Variants in CRY2 observed in about 807,000 individuals in gnomAD.
CRY2 encodes cryptochrome-2.
CRY2 carries 31 observed loss-of-function variants against 69.5 expected under a neutral mutation model. That is an observed-to-expected ratio of 0.45 (90% CI 0.34 to 0.60). The LOEUF (loss-of-function observed/expected upper bound fraction) is 0.60. Ranked by LOEUF, CRY2 falls within the 20% of genes least tolerant of loss-of-function variation. The pLI, the probability that CRY2 is intolerant of heterozygous loss-of-function variation, is 0.02. For synonymous variants in CRY2, 303 were observed against 312.2 expected (o/e 0.97, Z 0.31); for missense variants, 606 against 797.8 (o/e 0.76, Z 2.90).
chr11:45,876,262 T>C (rs907368743), intron 11 of CRY2, among the ~76,000 whole-genome samples: 19 of 152,346 alleles, frequency 1.2e-4, no homozygotes, highest in Non-Finnish European at 2.5e-4. Flanking sequence ...GTTTTTCTAA[T>C]GCCTCAGGCC....
chr11:45,860,034 C>T (rs1382981039), intron 3 of CRY2, among the ~76,000 whole-genome samples: 1 of 152,192 alleles, frequency 6.6e-6, no homozygotes, highest in Non-Finnish European at 1.5e-5. Flanking sequence ...CTCACCCAGC[C>T]AGATGGGCCT....
In CRY2 at chr11:45,867,598, T is replaced by G; in HGVS notation, c.742-14T>G. On this transcript the variant is annotated splice_polypyrimidine_tract_variant and intron_variant, in intron 5 of 11. Coordinates refer to ENST00000616080, the MANE Select transcript of CRY2 (RefSeq NM_021117.5). ...CCAAGCCTTTCCTTTTGCCACCTTC[T>G]CTTTCTGCTGTAGGCCTGGGTTGCC... 6.2e-7 allele frequency: 1 copy of G among 1,614,062 alleles called. No individual in the cohort carries two copies. The highest frequency in any genetic ancestry group is 8.5e-7 in the Non-Finnish European group (1 of 1,179,920).
intron 3 of CRY2, 74 bp downstream of exon 3, chr11:45,858,947 C>T: frequency 6.4e-7 from 1 of 1,551,760 alleles, no homozygotes; most frequent in Non-Finnish European, 8.7e-7. Flanking sequence ...GAGCGGAACT[C>T]AGAGAGGTTC....
intron 1 of CRY2, 87 bp from the exon 2 acceptor site, chr11:45,855,895 C>T: frequency 1.7e-6 from 2 of 1,181,432 alleles, no homozygotes; most frequent in Admixed American, 1.7e-5. Context: ...TGGGCATAAA[C>T]AGCGAACCAG....
chr11:45,868,017 G>A (rs1285674943), intron 6 of CRY2: 2 of 471,204 alleles, frequency 4.2e-6, no homozygotes, highest in Non-Finnish European at 7.6e-6. Context: ...GGCCTCAGGT[G>A]TGACCCTAGA....
chr11:45,853,066 C>T (rs916184009), intron 1 of CRY2, among the ~76,000 whole-genome samples: 11 of 152,176 alleles, frequency 7.2e-5, no homozygotes, highest in Admixed American at 3.9e-4. Flanking sequence ...TGGCTAAAAA[C>T]GAACATGTCA....
chr11:45,862,630 G>A (rs928482680), intron 5 of CRY2, among the ~76,000 whole-genome samples: 6 of 152,164 alleles, frequency 3.9e-5, no homozygotes, highest in Non-Finnish European at 8.8e-5. Flanking sequence ...AAGCTATGTC[G>A]GATTGCTTTT....
intron 1 of CRY2, among the ~76,000 whole-genome samples, chr11:45,851,330 A>G (rs1290242487): frequency 6.6e-6 from 1 of 152,206 alleles, no homozygotes; most frequent in Non-Finnish European, 1.5e-5. Flanking sequence ...AATTTGTAGA[A>G]ATAAAATATG....
intron 10 of CRY2, among the ~76,000 whole-genome samples, chr11:45,871,521 G>A (rs146232164): frequency 2.5e-4 from 38 of 152,332 alleles, no homozygotes; most frequent in Non-Finnish European, 5.1e-4. Flanking sequence ...CCTGCTGGGT[G>A]GAGATTGGAC....
chr11:45,867,976 C>T, intron 6 of CRY2: 1 of 557,396 alleles, frequency 1.8e-6, no homozygotes, highest in Non-Finnish European at 3.1e-6. Context: ...CCCAGACCAT[C>T]ATGTAGAGCA....
chr11:45,859,376 C>T (rs537832824), intron 3 of CRY2, among the ~76,000 whole-genome samples: 5 of 152,046 alleles, frequency 3.3e-5, no homozygotes, highest in East Asian at 1.9e-4. Flanking sequence ...GCCTGGGCAA[C>T]ATAGTGAGAC....
chr11:45,882,984 G>A lies in CRY2; in HGVS notation c.*2073G>A, dbSNP rs918762390. On this transcript the variant is annotated 3_prime_UTR_variant, in exon 12 of 12. Transcript: ENST00000616080. Reference sequence around the variant, plus strand: ...TCAGGCAGTGCACTCCTGGAGCCAAGAGGGAAGGGCAGGGTAGAGAGGGTA... The same window carrying A: ...TCAGGCAGTGCACTCCTGGAGCCAAAAGGGAAGGGCAGGGTAGAGAGGGTA... 1.1e-5 allele frequency: 4 copies of A among 351,880 alleles called. No homozygotes were observed. The highest frequency in any genetic ancestry group is 8.4e-5 in the East Asian group (2 of 23,926). 21.8% of individuals were successfully genotyped at this position (351,880 alleles called of 1,614,324 possible).
In CRY2 at chr11:45,872,157, C is replaced by T; in HGVS notation, c.1708C>T (p.Pro570Ser). 6.2e-7 allele frequency: 1 copy of T among 1,614,176 alleles called. No individual in the cohort carries two copies. Among genetic ancestry groups the T allele is most frequent in the African/African-American group, 1.3e-5 (1 of 75,044 alleles). ...KRKLEAAEEP[P>S]GEELSKRARV... is the part of the protein sequence containing the mutation. ...CAAGCTGGAAGCAGCCGAGGAACCA[C>T]CTGGTGAAGAACTCAGCAAACGGGC... is the stretch of plus-strand genomic sequence containing the variant. The change falls in exon 11 of 12, where the codon CCT becomes TCT. Residue 570 changes from proline to serine, a missense_variant. Coordinates refer to ENST00000616080, the MANE Select transcript of CRY2 (RefSeq NM_021117.5).
At chr11:45,858,478 C>T (rs149410931) in intron 2 of CRY2, 13 of 453,056 alleles carry the variant, frequency 2.9e-5, no homozygotes, top group Middle Eastern at 1.2e-3. Context: ...ACAGCAAGTG[C>T]ACAAGGCTGC....
At chr11:45,855,691 A>T (rs907019789) in intron 1 of CRY2, among the ~76,000 whole-genome samples, 6 of 152,248 alleles carry the variant, frequency 3.9e-5, no homozygotes, top group Non-Finnish European at 8.8e-5. Context: ...TAGCAATTTT[A>T]TGAGATGGGT....
Position 45,870,044 on chromosome 11 carries a change from C to T in CRY2, c.1195-9C>T. The T allele has an allele frequency of 6.3e-7, 1 of 1,588,958 alleles. No homozygotes were observed. Among genetic ancestry groups the T allele is most frequent in the South Asian group, 1.1e-5 (1 of 87,660 alleles). On this transcript the variant is annotated splice_polypyrimidine_tract_variant and intron_variant, in intron 7 of 11. Coordinates refer to ENST00000616080, the MANE Select transcript of CRY2 (RefSeq NM_021117.5). ...CCCAAGGAGGCTGATCATCCCCTCC[C>T]CTATCTAGGTATTTGATGAGCTGCT...
At chr11:45,853,429 T>C (rs12284956) in intron 1 of CRY2, among the ~76,000 whole-genome samples, 11,761 of 152,278 alleles carry the variant, frequency 0.077, 889 homozygotes, top group African/African-American at 0.18. Context: ...AGCTGTACTT[T>C]AGAGATGCTA....
At chr11:45,873,960 A>G (rs2086406275) in intron 11 of CRY2, among the ~76,000 whole-genome samples, 1 of 152,156 alleles carries the variant, frequency 6.6e-6, no homozygotes, top group African/African-American at 2.4e-5. Flanking sequence ...CCTCACCTAT[A>G]AATTAGGTTG....
intron 5 of CRY2, among the ~76,000 whole-genome samples, chr11:45,864,263 A>G (rs1305096462): frequency 6.6e-6 from 1 of 152,232 alleles, no homozygotes; most frequent in Non-Finnish European, 1.5e-5. Context: ...TCCCAGAACA[A>G]TGGAAAGGAA....
Sources: allele counts gnomAD v4.1 joint callset (sites outside exome capture counted in the v4.1 genomes callset), GRCh38; gene constraint gnomAD v4.1.1; transcripts MANE v1.5; gene names NCBI Gene and HGNC (gene_info 2026-07-23, HGNC 2026-07-21).